The following SALL4 variants were observed in gnomAD, a reference collection of about 807,000 sequenced individuals.
SALL4 encodes the protein spalt like transcription factor 4, also known as sal-like protein 4.
SALL4 carries 4 observed loss-of-function variants against 60.8 expected under a neutral mutation model. That is an observed-to-expected ratio of 0.07 (90% CI 0.03 to 0.15). The LOEUF is 0.15. SALL4 is among the 10% of genes least tolerant of loss of function. SALL4 has a pLI of 1.00. For missense variants in SALL4, 1,178 were observed against 1,394.7 expected, an observed-to-expected ratio of 0.84 and a Z score of 2.48; for synonymous variants, 580 against 574.9, an observed-to-expected ratio of 1.01 and a Z score of -0.13.
rs568900100 is a variant in SALL4, at chr20:51,782,670, A to G, written c.*1595T>C. On this transcript the variant is annotated 3_prime_UTR_variant, in exon 4 of 4. Coordinates refer to ENST00000217086, the MANE Select transcript of SALL4 (RefSeq NM_020436.5). ...ATTTCCGTCAGGACCTTCCACATAG[A>G]GGGGAAAGACTTTTCTCCCAGAAAT... 1.3e-5 allele frequency: 2 copies of G among 152,024 alleles called. No individual in the cohort carries two copies. Among genetic ancestry groups the G allele is most frequent in the South Asian group, 2.1e-4 (1 of 4,814 alleles). The allele number at this position is 152,024 out of a possible 1,614,324, so 9.4% of individuals were successfully genotyped here.
At position 51,782,550 on chromosome 20, in the gene SALL4, C is replaced by G. The variant is rs1208131931; in HGVS notation, c.*1715G>C. The G allele has an allele frequency of 1.8e-5, 1 of 56,386 alleles. No homozygotes were observed. Among genetic ancestry groups the G allele is most frequent in the African/African-American group, 5.6e-5 (1 of 17,796 alleles). 3.5% of individuals were successfully genotyped at this position (56,386 alleles called of 1,614,324 possible). On this transcript the variant is annotated 3_prime_UTR_variant, in exon 4 of 4. Coordinates refer to ENST00000217086, the MANE Select transcript of SALL4 (RefSeq NM_020436.5). ...TTCCAGAAGGAAAGGCACAACTTGG[C>G]AAAAAAAAAAAAAAAAAAAAAAAAG...
rs57307622 is a variant in SALL4, at chr20:51,782,573, A to AAAAAAAAAAAAAG, written c.*1691_*1692insCTTTTTTTTTTTT. Reference sequence around the variant, plus strand: ...GGCAAAAAAAAAAAAAAAAAAAAAAAAGGGGGGCGGAATCCTAAAGTCAGG... The same window carrying AAAAAAAAAAAAAG: ...GGCAAAAAAAAAAAAAAAAAAAAAAAAAAAAAAAAAAAGAGGGGGGCGGAATCCTAAAGTCAGG... On this transcript the variant is annotated 3_prime_UTR_variant, in exon 4 of 4. Coordinates refer to ENST00000217086, the MANE Select transcript of SALL4 (RefSeq NM_020436.5). The AAAAAAAAAAAAAG allele has an allele frequency of 5.3e-5, 7 of 131,956 alleles. No individual in the cohort carries two copies. Among genetic ancestry groups the AAAAAAAAAAAAAG allele is most frequent in the African/African-American group, 1.2e-4 (4 of 32,020 alleles). 8.2% of individuals were successfully genotyped at this position (131,956 alleles called of 1,614,324 possible). A position where few individuals can be genotyped will look rare whatever the true frequency, so the allele number is the denominator to read the frequency against.
In SALL4 at chr20:51,801,384, C is replaced by T. The variant is rs938316091; in HGVS notation, c.130+895G>A. ...ACCTCTCCCCTTTCACACCCAAGCG[C>T]AAATGTGGAAAGCCGAGCGCTCCAG... On this transcript the variant is annotated intron_variant, in intron 1 of 3. Transcript: ENST00000217086. The surrounding 1 kb of genome is among the most constrained non-coding windows in gnomAD (Gnocchi z 5.2). The T allele has an allele frequency of 3.9e-5, 6 of 152,282 alleles. No homozygotes were observed. The highest frequency in any genetic ancestry group is 1.4e-4 in the African/African-American group (6 of 41,452). The allele number at this position is 152,282 out of a possible 1,614,324, so 9.4% of individuals were successfully genotyped here. A position where few individuals can be genotyped will look rare whatever the true frequency, so the allele number is the denominator to read the frequency against.
In SALL4 at chr20:51,791,857, T is replaced by G. The variant is rs1194108021; in HGVS notation, c.626A>C (p.Asn209Thr). The change falls in exon 2 of 4, where the codon AAC becomes ACC. Residue 209 changes from asparagine to threonine, a missense_variant. Physicochemically the swap from Asn to Thr is moderately conservative, Grantham distance 65. Coordinates refer to ENST00000217086, the MANE Select transcript of SALL4 (RefSeq NM_020436.5). This position sits in a 1 kb window ranked among gnomAD's most constrained non-coding sequence, Gnocchi z 4.6. ...CTGCTCGAGGACCCACGGGATGCTG[T>G]TGGCACCAGGCACGGGGGCAGGGAG... is the stretch of plus-strand genomic sequence containing the variant. ...DALPAPVPGANSIPWVLEQIL... is the reference protein window; with the variant it reads ...DALPAPVPGATSIPWVLEQIL... The G allele has an allele frequency of 1.9e-6, 3 of 1,614,054 alleles. No homozygotes were observed. Among genetic ancestry groups the G allele is most frequent in the Non-Finnish European group, 2.5e-6 (3 of 1,180,042 alleles).
At position 51,790,017 on chromosome 20, in the gene SALL4, A is replaced by G. The variant is rs2078022754; in HGVS notation, c.2461+5T>C. Reference sequence around the variant, plus strand: ...GGACATAAGTTAAATCCAAAGCTCTATCACCTTCCATCTCAGTGCGGCTGT... The same window carrying G: ...GGACATAAGTTAAATCCAAAGCTCTGTCACCTTCCATCTCAGTGCGGCTGT... On this transcript the variant is annotated splice_donor_5th_base_variant and intron_variant, in intron 2 of 3. Coordinates refer to ENST00000217086, the MANE Select transcript of SALL4 (RefSeq NM_020436.5). The surrounding 1 kb of genome is among the most constrained non-coding windows in gnomAD (Gnocchi z 5.5). The G allele has an allele frequency of 6.2e-7, 1 of 1,614,136 alleles. No homozygotes were observed. The highest frequency in any genetic ancestry group is 1.1e-5 in the South Asian group (1 of 91,068).
rs1305194741 is a variant in SALL4 at position 51,790,418 on chromosome 20, C to G, written c.2065G>C (p.Glu689Gln). 1 of 1,614,076 alleles carries G rather than the reference C, an allele frequency of 6.2e-7. No homozygotes were observed. Among genetic ancestry groups the G allele is most frequent in the Admixed American group, 1.7e-5 (1 of 59,998 alleles). ...TGAICHDDVI[E>Q]SIDVEEVSSQ... ...CTGACTTCCTCTACATCGATGCTTT[C>G]GATGACATCATCATGGCAGATAGCG... The change falls in exon 2 of 4, where the codon GAA becomes CAA. Residue 689 changes from glutamate to glutamine, a missense_variant. By Grantham distance (29) the Glu-to-Gln change is conservative. This residue lies in a region of SALL4 where 853 missense variants were observed against 1,036.8 expected (regional missense o/e 0.82). Coordinates refer to ENST00000217086, the MANE Select transcript of SALL4 (RefSeq NM_020436.5). This position sits in a 1 kb window ranked among gnomAD's most constrained non-coding sequence, Gnocchi z 5.5.
intron 1 of SALL4, among the ~76,000 whole-genome samples, chr20:51,796,246 A>AC (rs1383850041): frequency 6.6e-6 from 1 of 150,964 alleles, no homozygotes; most frequent in Non-Finnish European, 1.5e-5. Flanking sequence ...GAAAAAAAAA[A>AC]CCCTCAATAA....
At chr20:51,793,883 CA>C (rs971720547) in intron 1 of SALL4, among the ~76,000 whole-genome samples, 1 of 152,108 alleles carries the variant, frequency 6.6e-6, no homozygotes, top group African/African-American at 2.4e-5. Flanking sequence ...GGGGGTGGGT[CA>C]GGGGAAGAGA....
rs17802735 is a variant in SALL4 at position 51,788,963 on chromosome 20, C to G, written c.2640G>C (p.Ser880=). The part of the protein sequence containing the change: ...HGCTRCGKNF[S]SASALQIHER... Reference sequence around the variant, plus strand: ...CGTGGATCTGAAGAGCGCTAGCAGACGAGAAGTTCTTCCCACACCGTGTGC... The same window carrying G: ...CGTGGATCTGAAGAGCGCTAGCAGAGGAGAAGTTCTTCCCACACCGTGTGC... Residue 880 remains serine (S), a synonymous_variant, in exon 3 of 4, where the codon TCG becomes TCC. Coordinates refer to ENST00000217086, the MANE Select transcript of SALL4 (RefSeq NM_020436.5). This position sits in a 1 kb window ranked among gnomAD's most constrained non-coding sequence, Gnocchi z 4.1. The G allele has an allele frequency of 0.12, 189,191 of 1,614,150 alleles. 12,275 individuals are homozygous for G. Among genetic ancestry groups the G allele is most frequent in the Non-Finnish European group, 0.14 (160,949 of 1,180,006 alleles).
chr20:51,791,705 A>G lies in SALL4; in HGVS notation c.778T>C (p.Leu260=), dbSNP rs1177472490. 1 of 1,614,084 alleles carries G rather than the reference A, an allele frequency of 6.2e-7. No individual in the cohort carries two copies. Among genetic ancestry groups the G allele is most frequent in the Non-Finnish European group, 8.5e-7 (1 of 1,180,058 alleles). The change falls in exon 2 of 4, where the codon TTG becomes CTG. Residue 260 remains leucine, a synonymous_variant. Transcript: ENST00000217086. The surrounding 1 kb of genome is among the most constrained non-coding windows in gnomAD (Gnocchi z 4.6). ...ACCTGCTGAGACATGTGGCTGCCCAAGGTCTTCAGAGTGTCGGCCCCTGCC... is the reference window on the plus strand; with the variant it reads ...ACCTGCTGAGACATGTGGCTGCCCAGGGTCTTCAGAGTGTCGGCCCCTGCC... The part of the protein sequence containing the change: ...SGAGADTLKT[L]GSHMSQQVSA...
chr20:51,784,734 C>T (rs376346153), intron 3 of SALL4, 50 bp from the exon 4 acceptor site: 101 of 1,601,502 alleles, frequency 6.3e-5, no homozygotes, highest in Non-Finnish European at 8.3e-5. Context: ...ATTTGAAGCT[C>T]ACTGGCAAGC....
rs1405375089 is a variant in SALL4 at position 51,801,632 on chromosome 20, AG to A, written c.130+646del. 1 of 152,592 alleles carries A rather than the reference AG, an allele frequency of 6.6e-6. No homozygotes were observed. Among genetic ancestry groups the A allele is most frequent in the Admixed American group, 6.5e-5 (1 of 15,292 alleles). The allele number at this position is 152,592 out of a possible 1,614,324, so 9.5% of individuals were successfully genotyped here. A position where few individuals can be genotyped will look rare whatever the true frequency, so the allele number is the denominator to read the frequency against. On this transcript the variant is annotated intron_variant, in intron 1 of 3. Coordinates refer to ENST00000217086, the MANE Select transcript of SALL4 (RefSeq NM_020436.5). The surrounding 1 kb of genome is among the most constrained non-coding windows in gnomAD (Gnocchi z 5.2). ...AATCCAGAAAAGAAAAAAATTTTAA[AG>A]GGAAACATTGAGCCCTCCTCCCCCA...
At chr20:51,795,669 C>T (rs943250559) in intron 1 of SALL4, among the ~76,000 whole-genome samples, 4 of 152,218 alleles carry the variant, frequency 2.6e-5, no homozygotes, top group African/African-American at 7.2e-5. Flanking sequence ...GCTGCTGGTA[C>T]GAGTGTATAG....
rs532121171 is a variant in SALL4 at position 51,788,414 on chromosome 20, G to A, written c.2742+447C>T. Among the ~76,000 whole-genome samples, 171 of 151,926 alleles carry A rather than the reference G, an allele frequency of 1.1e-3. No individual in the cohort carries two copies. The highest frequency in any genetic ancestry group is 3.9e-3 in the African/African-American group (160 of 41,414). On this transcript the variant is annotated intron_variant, in intron 3 of 3. Transcript: ENST00000217086. The surrounding 1 kb of genome is among the most constrained non-coding windows in gnomAD (Gnocchi z 4.1). ...GGTCTCAAACTCCTGGACTCAGCTGGGTGCAGTGGCTCATGCCTGTAATCC... is the reference window on the plus strand; with the variant it reads ...GGTCTCAAACTCCTGGACTCAGCTGAGTGCAGTGGCTCATGCCTGTAATCC...
chr20:51,784,260 C>T lies in SALL4; in HGVS notation c.*5G>A. Reference sequence around the variant, plus strand: ...CTGCATTGCTCCTTCCACGCAAGTTCTCCCTTAGCTGACCGCAATCTTGTT... The same window carrying T: ...CTGCATTGCTCCTTCCACGCAAGTTTTCCCTTAGCTGACCGCAATCTTGTT... On this transcript the variant is annotated 3_prime_UTR_variant, in exon 4 of 4. Coordinates refer to ENST00000217086, the MANE Select transcript of SALL4 (RefSeq NM_020436.5). 6.2e-7 allele frequency: 1 copy of T among 1,613,508 alleles called. No homozygotes were observed. The highest frequency in any genetic ancestry group is 1.1e-5 in the South Asian group (1 of 91,044).
rs2078048629 is a variant in SALL4 at position 51,792,046 on chromosome 20, T to C, written c.437A>G (p.Lys146Arg). The part of the protein sequence containing the change: ...NGGSSEDMKE[K>R]PDAESVVYLK... ...GTACACCACAGACTCCGCATCCGGC[T>C]TCTCCTTCATGTCCTCTGAGCTGCC... is the stretch of plus-strand genomic sequence containing the variant. The change falls in exon 2 of 4, where the codon AAG (lysine) becomes AGG (arginine). Residue 146 changes from lysine to arginine, a missense_variant. By Grantham distance (26) the Lys-to-Arg change is conservative. Transcript: ENST00000217086. The C allele has an allele frequency of 6.2e-7, 1 of 1,614,070 alleles. No individual in the cohort carries two copies. The highest frequency in any genetic ancestry group is 1.1e-5 in the South Asian group (1 of 91,084).
At chr20:51,796,012 T>C (rs1421378817) in intron 1 of SALL4, among the ~76,000 whole-genome samples, 2 of 151,896 alleles carry the variant, frequency 1.3e-5, no homozygotes, top group Admixed American at 6.6e-5. Context: ...CTGGCCAACA[T>C]GGTGAAACTC....
At position 51,791,052 on chromosome 20, in the gene SALL4, G is replaced by T. The variant is rs753427438; in HGVS notation, c.1431C>A (p.Val477=). ...GTAGCCCTACAGAGGTGGTTACAAGGACAGGTTTGCTGTCTAAAGAAAGAC... is the reference window on the plus strand; with the variant it reads ...GTAGCCCTACAGAGGTGGTTACAAGTACAGGTTTGCTGTCTAAAGAAAGAC... ...EPSLSLDSKP[V]LVTTSVGLPQ... Residue 477 remains valine, a synonymous_variant, in exon 2 of 4, where the codon GTC becomes GTA. Transcript: ENST00000217086. This position sits in a 1 kb window ranked among gnomAD's most constrained non-coding sequence, Gnocchi z 4.6. 7 of 1,614,154 alleles carry T rather than the reference G, an allele frequency of 4.3e-6. No homozygotes were observed. In the Admixed American group the frequency reaches 1.2e-4, roughly 27 times the overall value.
intron 1 of SALL4, among the ~76,000 whole-genome samples, chr20:51,799,261 G>A (rs1040013993): frequency 6.6e-6 from 1 of 152,082 alleles, no homozygotes; most frequent in South Asian, 2.1e-4. Flanking sequence ...CTATATAGAG[G>A]AGGAACCCAA....
Sources: allele counts gnomAD v4.1 joint callset (sites outside exome capture counted in the v4.1 genomes callset), GRCh38; gene constraint gnomAD v4.1.1; regional missense constraint gnomAD v4.1.1; non-coding constraint Gnocchi (gnomAD v3.1); transcripts MANE v1.5; gene names NCBI Gene and HGNC (gene_info 2026-07-23, HGNC 2026-07-21).